Variants in DOT1L observed in about 807,000 individuals in gnomAD.
DOT1L encodes histone-lysine N-methyltransferase, H3 lysine-79 specific.
DOT1L carries 33 observed loss-of-function variants against 153.3 expected under a neutral mutation model. The observed-to-expected ratio is 0.22, with a 90% CI of 0.16 to 0.29. The LOEUF (loss-of-function observed/expected upper bound fraction) is 0.29, where lower values mean the gene tolerates loss of function less well. DOT1L is among the 10% of genes least tolerant of loss of function. DOT1L has a pLI of 1.00. For missense variants in DOT1L, 1,847 were observed against 2,119.9 expected, an observed-to-expected ratio of 0.87 and a Z score of 2.53; for synonymous variants, 1,135 against 965.1, an observed-to-expected ratio of 1.18 and a Z score of -3.26.
chr19:2,172,834 T>G (rs1328730761), intron 1 of DOT1L, among the ~76,000 whole-genome samples: 1 of 130,754 alleles, frequency 7.6e-6, no homozygotes, highest in Non-Finnish European at 1.8e-5. Context: ...AATAACATCC[T>G]TGTTGTGACA....
chr19:2,201,543 G>C (rs2144788770), intron 8 of DOT1L, among the ~76,000 whole-genome samples: 1 of 152,330 alleles, frequency 6.6e-6, no homozygotes, highest in South Asian at 2.1e-4. Flanking sequence ...AAGTTTCCTA[G>C]GTTCGCTCTC....
chr19:2,213,996 G>T lies in DOT1L; in HGVS notation c.1797+10G>T, dbSNP rs758268274. ...CCAGAGCTTGCAGCTGGTGGGTGCC[G>T]CGGCGCAAGGACAGGGACGTGGAAC... is the stretch of plus-strand genomic sequence containing the variant. On this transcript the variant is annotated intron_variant, in intron 18 of 27. Transcript: ENST00000398665. 5.0e-6 allele frequency: 8 copies of T among 1,611,270 alleles called. No homozygotes were observed. The highest frequency in any genetic ancestry group is 6.8e-6 in the Non-Finnish European group (8 of 1,179,192).
chr19:2,178,728 G>C (rs1468333573), intron 1 of DOT1L, among the ~76,000 whole-genome samples: 1 of 150,310 alleles, frequency 6.7e-6, no homozygotes, highest in Non-Finnish European at 1.5e-5. Flanking sequence ...GCCACGCCCA[G>C]CTAATTTTTT....
chr19:2,214,055 G>C (rs540418361), intron 18 of DOT1L, 69 bp downstream of exon 18: 76 of 1,543,680 alleles, frequency 4.9e-5, no homozygotes, highest in South Asian at 3.9e-4. Context: ...TGTGTCCTCT[G>C]TGCGGGTGGG....
intron 7 of DOT1L, among the ~76,000 whole-genome samples, chr19:2,196,926 C>T (rs887975304): frequency 1.2e-4 from 18 of 152,192 alleles, no homozygotes; most frequent in Non-Finnish European, 2.2e-4. Context: ...TGCGCTTTTT[C>T]GTTGCTGCTT....
At position 2,214,480 on chromosome 19, in the gene DOT1L, C is replaced by T; in HGVS notation, c.1807C>T (p.Arg603Cys). ...ATCCCTATCCCCTCAGCTCAAGGCT[C>T]GCTGCGAGGAGCTGCAGCTGGACTG... is the stretch of plus-strand genomic sequence containing the variant. ...RGQSLQLLKA[R>C]CEELQLDWAT... is the part of the protein sequence containing the mutation. Residue 603 changes from arginine (R) to cysteine (C), a missense_variant, in exon 19 of 28, where the codon CGC (arginine) becomes TGC (cysteine). Arg to Cys is a radical substitution (Grantham distance 180). Coordinates refer to ENST00000398665, the MANE Select transcript of DOT1L (RefSeq NM_032482.3). 2 of 1,612,828 alleles carry T rather than the reference C, an allele frequency of 1.2e-6. No individual in the cohort carries two copies. Among genetic ancestry groups the T allele is most frequent in the Non-Finnish European group, 1.7e-6 (2 of 1,179,812 alleles).
intron 1 of DOT1L, among the ~76,000 whole-genome samples, chr19:2,170,077 T>C (rs1056682560): frequency 1.3e-5 from 2 of 152,126 alleles, no homozygotes; most frequent in African/African-American, 4.8e-5. Context: ...GAGGCTGCAG[T>C]GAGCTGAGAT....
At position 2,214,003 on chromosome 19, in the gene DOT1L, A is replaced by C. The variant is rs894210770; in HGVS notation, c.1797+17A>C. The C allele has an allele frequency of 6.2e-7, 1 of 1,610,028 alleles. No individual in the cohort carries two copies. Among genetic ancestry groups the C allele is most frequent in the East Asian group, 2.2e-5 (1 of 44,746 alleles). ...TTGCAGCTGGTGGGTGCCGCGGCGCAAGGACAGGGACGTGGAACCAGAGGG... is the reference window on the plus strand; with the variant it reads ...TTGCAGCTGGTGGGTGCCGCGGCGCCAGGACAGGGACGTGGAACCAGAGGG... On this transcript the variant is annotated intron_variant, in intron 18 of 27. Coordinates refer to ENST00000398665, the MANE Select transcript of DOT1L (RefSeq NM_032482.3).
intron 7 of DOT1L, among the ~76,000 whole-genome samples, chr19:2,195,000 G>T (rs1393447546): frequency 6.6e-6 from 1 of 152,158 alleles, no homozygotes; most frequent in Non-Finnish European, 1.5e-5. Flanking sequence ...CAGCAACCTC[G>T]GGGTGGGCAG....
intron 22 of DOT1L, among the ~76,000 whole-genome samples, chr19:2,218,260 C>T (rs1264746621): frequency 6.6e-6 from 1 of 152,250 alleles, no homozygotes; most frequent in Non-Finnish European, 1.5e-5. Flanking sequence ...CCTCTGGGTT[C>T]TCCCACCCAG....
At chr19:2,199,456 G>C (rs2144777524) in intron 7 of DOT1L, among the ~76,000 whole-genome samples, 1 of 152,366 alleles carries the variant, frequency 6.6e-6, no homozygotes, top group Non-Finnish European at 1.5e-5. Flanking sequence ...CTCAGGCCCT[G>C]CCTGGAGCCC....
Position 2,190,972 on chromosome 19 carries a change from G to C in DOT1L, c.265-40G>C. 6.5e-7 allele frequency: 1 copy of C among 1,543,788 alleles called. No homozygotes were observed. Among genetic ancestry groups the C allele is most frequent in the Non-Finnish European group, 8.7e-7 (1 of 1,144,634 alleles). On this transcript the variant is annotated intron_variant, in intron 4 of 27. Coordinates refer to ENST00000398665, the MANE Select transcript of DOT1L (RefSeq NM_032482.3). This position sits in a 1 kb window ranked among gnomAD's most constrained non-coding sequence, Gnocchi z 4.8. The stretch of plus-strand genomic sequence containing the variant: ...CTTGGTGGTGGAGGGGCTGGGCCGT[G>C]AGGTTTATGTGACATGGCCGGGCCA...
chr19:2,213,535 A>G lies in DOT1L; in HGVS notation c.1558-4A>G, dbSNP rs574248461. 14 of 1,612,140 alleles carry G rather than the reference A, an allele frequency of 8.7e-6. No homozygotes were observed. The African/African-American group carries it at 1.2e-4, about 14-fold the overall frequency. On this transcript the variant is annotated splice_polypyrimidine_tract_variant and splice_region_variant and intron_variant, in intron 16 of 27. Transcript: ENST00000398665. ...CTTAGTCACCTGCCCTGTTTGTCCT[A>G]CAGGAGAAGAACGCCCAGCTCCTGG...
chr19:2,213,690 G>T, intron 17 of DOT1L, 50 bp downstream of exon 17: 1 of 1,608,960 alleles, frequency 6.2e-7, no homozygotes, highest in Non-Finnish European at 8.5e-7. Context: ...GGCGCAGGCT[G>T]GGGTGGTCCA....
At chr19:2,219,534 C>T (rs959880748) in intron 22 of DOT1L, among the ~76,000 whole-genome samples, 3 of 152,118 alleles carry the variant, frequency 2.0e-5, no homozygotes, top group African/African-American at 4.8e-5. Flanking sequence ...CGGCTTGATT[C>T]CCTGTTTTGG....
At position 2,217,259 on chromosome 19, in the gene DOT1L, G is replaced by A. The variant is rs944844787; in HGVS notation, c.2544+169G>A. Among the ~76,000 whole-genome samples, 2 of 152,212 alleles carry A rather than the reference G, an allele frequency of 1.3e-5. No individual in the cohort carries two copies. ...GAGTTGGGGGCAACCAGTAAGGACA[G>A]GTCACAGGTGACGTTGGGCAGGTGC... On this transcript the variant is annotated intron_variant, in intron 21 of 27. Coordinates refer to ENST00000398665, the MANE Select transcript of DOT1L (RefSeq NM_032482.3). The surrounding 1 kb of genome is among the most constrained non-coding windows in gnomAD (Gnocchi z 7.3).
intron 1 of DOT1L, among the ~76,000 whole-genome samples, chr19:2,178,741 A>G (rs1339027579): frequency 2.1e-5 from 3 of 142,212 alleles, no homozygotes; most frequent in Admixed American, 7.1e-5. Flanking sequence ...AATTTTTTCT[A>G]TTTTTAGTAG....
At chr19:2,228,655 G>A in intron 27 of DOT1L, 1 of 985,394 alleles carries the variant, frequency 1.0e-6, no homozygotes, top group Non-Finnish European at 1.2e-6. Flanking sequence ...GGGCAGCTGT[G>A]CCAGCCCCTG....
chr19:2,174,512 C>A (rs957554273), intron 1 of DOT1L, among the ~76,000 whole-genome samples: 3 of 152,056 alleles, frequency 2.0e-5, no homozygotes, highest in South Asian at 2.1e-4. Flanking sequence ...CGTGGAGAAA[C>A]CCCGTCTCTG....
Sources: gnomAD v4.1 joint callset for allele counts (sites outside exome capture counted in the v4.1 genomes callset) on GRCh38, gnomAD v4.1.1 for gene constraint, Gnocchi (gnomAD v3.1) non-coding constraint, MANE v1.5 for transcripts, NCBI Gene and HGNC (gene_info 2026-07-23, HGNC 2026-07-21) for gene names.